The following LIMS4 variants were observed in gnomAD, a reference collection of about 807,000 sequenced individuals.
LIMS4 encodes the protein LIM and senescent cell antigen-like-containing domain protein 4.
At chr2:110,395,746 A>T in the LIMS4 span, among the ~76,000 whole-genome samples, 1 of 91,638 alleles carries the variant, frequency 1.1e-5, no homozygotes, top group Non-Finnish European at 2.1e-5. Flanking sequence ...CTGGAGGCCA[A>T]CATACTGCTG....
At chr2:110,373,784 G>A in the LIMS4 span, among the ~76,000 whole-genome samples, 2 of 148,998 alleles carry the variant, frequency 1.3e-5, no homozygotes, top group Non-Finnish European at 2.9e-5. Flanking sequence ...GGTGGGTGAT[G>A]TCTACCTTCC....
chr2:110,425,228 TA>T, the LIMS4 span, among the ~76,000 whole-genome samples: 13 of 139,868 alleles, frequency 9.3e-5, no homozygotes, highest in African/African-American at 1.8e-4. Context: ...CAGATCTCTT[TA>T]AAAAAAAAAG....
the LIMS4 span, among the ~76,000 whole-genome samples, chr2:110,382,541 T>G: frequency 3.2e-5 from 1 of 31,318 alleles, no homozygotes. Context: ...TGAAATCATG[T>G]GAAAAGCTTG....
chr2:110,407,585 C>T, the LIMS4 span, among the ~76,000 whole-genome samples: 7 of 133,070 alleles, frequency 5.3e-5, no homozygotes, highest in Non-Finnish European at 8.2e-5. Context: ...TTATTGAATG[C>T]TTCCCTGCGT....
the LIMS4 span, among the ~76,000 whole-genome samples, chr2:110,425,706 A>G: frequency 7.1e-6 from 1 of 141,640 alleles, no homozygotes; most frequent in African/African-American, 3.0e-5. Context: ...CTCGAGGATG[A>G]AGAGAACTGC....
the LIMS4 span, among the ~76,000 whole-genome samples, chr2:110,382,150 T>C: frequency 7.4e-4 from 60 of 81,390 alleles, no homozygotes; most frequent in Admixed American, 1.6e-3. Flanking sequence ...TATATATATA[T>C]ACATGTTTGA....
the LIMS4 span, chr2:110,361,951 C>G: frequency 7.2e-7 from 1 of 1,395,066 alleles, no homozygotes; most frequent in African/African-American, 1.6e-5. Flanking sequence ...CATCAGAGTA[C>G]ACAACATTGC....
At chr2:110,390,866 G>A in the LIMS4 span, among the ~76,000 whole-genome samples, 2 of 152,296 alleles carry the variant, frequency 1.3e-5, no homozygotes, top group African/African-American at 4.8e-5. Context: ...GCGGGACCAA[G>A]CCACAAAACA....
At chr2:110,424,875 A>G in the LIMS4 span, among the ~76,000 whole-genome samples, 1 of 142,856 alleles carries the variant, frequency 7.0e-6, no homozygotes, top group Non-Finnish European at 1.5e-5. Context: ...GCGGTATTCT[A>G]AAAGTAGCCA....
chr2:110,368,065 TA>T, the LIMS4 span, among the ~76,000 whole-genome samples: 2 of 145,334 alleles, frequency 1.4e-5, no homozygotes, highest in Non-Finnish European at 3.0e-5. Context: ...ATATATAGTA[TA>T]AACATTTATA....
chr2:110,415,302 A>T, the LIMS4 span, among the ~76,000 whole-genome samples: 1 of 72,172 alleles, frequency 1.4e-5, no homozygotes, highest in South Asian at 6.7e-4. Context: ...CGGTCTATCA[A>T]TTTTGTTAAT....
the LIMS4 span, among the ~76,000 whole-genome samples, chr2:110,424,641 A>G: frequency 6.9e-6 from 1 of 144,118 alleles, no homozygotes; most frequent in African/African-American, 2.8e-5. Flanking sequence ...TGGTTCATCA[A>G]GACTTGGTGC....
the LIMS4 span, among the ~76,000 whole-genome samples, chr2:110,382,100 T>A: frequency 0.095 from 1,309 of 13,794 alleles, 43 homozygotes; most frequent in East Asian, 0.16. Context: ...AAAAAAAAAA[T>A]ATATATATAT....
chr2:110,391,064 G>T, the LIMS4 span, among the ~76,000 whole-genome samples: 4 of 149,724 alleles, frequency 2.7e-5, no homozygotes, highest in Admixed American at 2.6e-4. Flanking sequence ...GTGGAACTGT[G>T]CAGGGGCTCT....
the LIMS4 span, among the ~76,000 whole-genome samples, chr2:110,368,070 A>G: frequency 6.9e-6 from 1 of 145,640 alleles, no homozygotes; most frequent in African/African-American, 2.6e-5. Context: ...TAGTATAAAC[A>G]TTTATAGCAT....
the LIMS4 span, among the ~76,000 whole-genome samples, chr2:110,424,978 A>G: frequency 4.2e-5 from 6 of 144,270 alleles, 1 homozygote; most frequent in Admixed American, 6.8e-5. Flanking sequence ...CCACCACCCC[A>G]GCCGGCAGCG....
At chr2:110,390,370 G>A in the LIMS4 span, among the ~76,000 whole-genome samples, 9 of 130,666 alleles carry the variant, frequency 6.9e-5, no homozygotes, top group Non-Finnish European at 1.4e-4. Flanking sequence ...TGGTGAGGAG[G>A]CCTTGGAAGT....
the LIMS4 span, among the ~76,000 whole-genome samples, chr2:110,370,965 TA>T: frequency 7.5e-6 from 1 of 134,036 alleles, no homozygotes; most frequent in African/African-American, 3.2e-5. Context: ...TTGACCTAAT[TA>T]AGCTTGTGAA....
the LIMS4 span, chr2:110,361,637 A>T: frequency 1.7e-6 from 1 of 581,428 alleles, no homozygotes; most frequent in Non-Finnish European, 3.0e-6. Context: ...CATAGACTTG[A>T]TATGGTCCAC....
Sources: gnomAD v4.1 joint callset for allele counts (sites outside exome capture counted in the v4.1 genomes callset) on GRCh38, gnomAD v4.1.1 for gene constraint, MANE v1.5 for transcripts, NCBI Gene and HGNC (gene_info 2026-07-23, HGNC 2026-07-21) for gene names.